ARHGEF18: variants seen among roughly 807,000 people sequenced by gnomAD.
The protein encoded by ARHGEF18 is Rho/Rac guanine nucleotide exchange factor 18, also known as rho guanine nucleotide exchange factor 18.
A neutral mutation model predicts 155.7 loss-of-function variants in ARHGEF18; 93 were observed. That is an observed-to-expected ratio of 0.60 (90% confidence interval 0.50 to 0.71). The LOEUF is 0.71. Among genes scored for constraint, ARHGEF18 ranks in the 30% least tolerant of loss-of-function variants. ARHGEF18 has a pLI of 0.00. For synonymous variants in ARHGEF18, 742 were observed against 753.1 expected (o/e 0.99, Z 0.24); for missense variants, 1,593 against 1,816.1 (o/e 0.88, Z 2.23).
At chr19:7,453,060 A>C (rs1048303856) in intron 16 of ARHGEF18, among the ~76,000 whole-genome samples, 1 of 151,912 alleles carries the variant, frequency 6.6e-6, no homozygotes, top group South Asian at 2.1e-4. Context: ...ATAGCTGGGC[A>C]TGGTGGCGGG....
chr19:7,399,994 C>T (rs748610488), intron 10 of ARHGEF18, among the ~76,000 whole-genome samples: 3 of 152,092 alleles, frequency 2.0e-5, no homozygotes, highest in Non-Finnish European at 4.4e-5. Context: ...TGGTCTCAAA[C>T]TCATGGGCTC....
At position 7,444,365 on chromosome 19, in the gene ARHGEF18, C is replaced by T. The variant is rs768486044; in HGVS notation, c.1522C>T (p.Arg508Trp). 1.1e-5 allele frequency: 17 copies of T among 1,613,486 alleles called. No homozygotes were observed. Among genetic ancestry groups the T allele is most frequent in the Middle Eastern group, 1.6e-4 (1 of 6,084 alleles). Residue 508 changes from arginine (R) to tryptophan (W), a missense_variant, in exon 14 of 29, where the codon CGG becomes TGG. Physicochemically the swap from Arg to Trp is moderately radical, Grantham distance 101. Transcript: ENST00000668164. The surrounding 1 kb of genome is among the most constrained non-coding windows in gnomAD (Gnocchi z 4.7). ...GGAGACGCACAGCCACTTCCTCGCT[C>T]GGCTCAAGGAGCGCCGCCAGGAGTC... is the stretch of plus-strand genomic sequence containing the variant. ...LLETHSHFLARLKERRQESLE... is the reference protein window; with the variant it reads ...LLETHSHFLAWLKERRQESLE...
At position 7,372,853 on chromosome 19, in the gene ARHGEF18, C is replaced by A. The variant is rs940734814; in HGVS notation, c.57C>A (p.Asp19Glu). 1.6e-6 allele frequency: 2 copies of A among 1,234,526 alleles called. No homozygotes were observed. The highest frequency in any genetic ancestry group is 2.0e-6 in the Non-Finnish European group (2 of 988,296). 76.5% of individuals were successfully genotyped at this position (1,234,526 alleles called of 1,614,324 possible). A position where few individuals can be genotyped will look rare whatever the true frequency, so the allele number is the denominator to read the frequency against. ...GGCGGCTCAGCGAGAGTATGGAGGA[C>A]CTCAGCCTGGATTTGGGGGCCCTTC... ...FPRRLSESME[D>E]LSLDLGALQG... Residue 19 changes from aspartate (D) to glutamate (E), a missense_variant, in exon 3 of 29, where the codon GAC becomes GAA. Asp to Glu is a conservative substitution (Grantham distance 45). Transcript: ENST00000668164.
intron 1 of ARHGEF18, among the ~76,000 whole-genome samples, chr19:7,354,375 T>C: frequency 6.7e-6 from 1 of 149,906 alleles, no homozygotes; most frequent in East Asian, 2.0e-4. Flanking sequence ...GGAGGCTGAT[T>C]TGGGGCTGGG....
At chr19:7,364,645 G>C (rs1157233389) in intron 2 of ARHGEF18, among the ~76,000 whole-genome samples, 1 of 152,198 alleles carries the variant, frequency 6.6e-6, no homozygotes, top group Non-Finnish European at 1.5e-5. Flanking sequence ...TTGGGGCACA[G>C]TTAACATCAA....
At chr19:7,430,796 C>A (rs1016671908) in intron 10 of ARHGEF18, among the ~76,000 whole-genome samples, 2 of 152,018 alleles carry the variant, frequency 1.3e-5, no homozygotes, top group Non-Finnish European at 2.9e-5. Flanking sequence ...CAGAGCGAGA[C>A]CCTCTCTTCA....
At chr19:7,399,183 C>G (rs551840881) in intron 10 of ARHGEF18, among the ~76,000 whole-genome samples, 10 of 152,182 alleles carry the variant, frequency 6.6e-5, no homozygotes, top group Non-Finnish European at 1.3e-4. Flanking sequence ...AACCCTCTCT[C>G]TAGGTGCAAA....
chr19:7,429,192 G>A (rs1210694649), intron 10 of ARHGEF18, among the ~76,000 whole-genome samples: 1 of 152,156 alleles, frequency 6.6e-6, no homozygotes, highest in East Asian at 1.9e-4. Flanking sequence ...AAGAGGTGAG[G>A]CCAGAGAGGG....
Position 7,444,182 on chromosome 19 carries a change from C to G in ARHGEF18, c.1361-22C>G, listed in dbSNP as rs1234750559. 2 of 1,607,110 alleles carry G rather than the reference C, an allele frequency of 1.2e-6. No homozygotes were observed. The highest frequency in any genetic ancestry group is 1.7e-5 in the Admixed American group (1 of 59,890). On this transcript the variant is annotated intron_variant, in intron 13 of 28. Coordinates refer to ENST00000668164, the MANE Select transcript of ARHGEF18 (RefSeq NM_001367823.1). The surrounding 1 kb of genome is among the most constrained non-coding windows in gnomAD (Gnocchi z 4.7). ...GGCCGTGGAGCCAGCATGGCTAAGT[C>G]CTGCCGTCTGTGTCCCTGCAGAGCT...
chr19:7,424,791 C>G (rs1019755089), intron 10 of ARHGEF18, among the ~76,000 whole-genome samples: 1 of 152,014 alleles, frequency 6.6e-6, no homozygotes, highest in African/African-American at 2.4e-5. Context: ...TTCAGGAGAT[C>G]GGGACCATCC....
rs1974646110 is a variant in ARHGEF18 at position 7,441,581 on chromosome 19, G to T, written c.1107-72G>T. On this transcript the variant is annotated intron_variant, in intron 11 of 28. Transcript: ENST00000668164. The stretch of plus-strand genomic sequence containing the variant: ...TCGAATCGGATGGAGTCACCGATGT[G>T]CCTTTGTTGCATGAGGTCGTGTGTG... 3 of 1,156,624 alleles carry T rather than the reference G, an allele frequency of 2.6e-6. No homozygotes were observed. The Admixed American group carries it at 5.2e-5, about 20-fold the overall frequency. 71.6% of individuals were successfully genotyped at this position (1,156,624 alleles called of 1,614,324 possible).
intron 10 of ARHGEF18, among the ~76,000 whole-genome samples, chr19:7,408,780 C>T (rs1427220364): frequency 1.3e-5 from 2 of 152,188 alleles, no homozygotes; most frequent in Non-Finnish European, 2.9e-5. Flanking sequence ...CAGTGGCTCA[C>T]GCCTGTAATC....
intron 10 of ARHGEF18, among the ~76,000 whole-genome samples, chr19:7,400,034 G>A (rs948221284): frequency 6.6e-6 from 1 of 152,084 alleles, no homozygotes; most frequent in Admixed American, 6.6e-5. Context: ...GTCTCCCAAA[G>A]TGTTGGTATT....
intron 1 of ARHGEF18, among the ~76,000 whole-genome samples, chr19:7,362,038 AAGG>A (rs200921218): frequency 0.013 from 623 of 47,498 alleles, 17 homozygotes; most frequent in East Asian, 0.031. Flanking sequence ...GGAGAAGGAG[AAGG>A]AGAAGGAGAA....
At chr19:7,439,887 T>G (rs988461349) in intron 10 of ARHGEF18, 24 of 1,452,088 alleles carry the variant, frequency 1.7e-5, no homozygotes, top group Middle Eastern at 2.4e-4. Context: ...AGGGGTTGTT[T>G]TTTTTTTCTG....
At chr19:7,436,874 T>C (rs1054086919) in intron 10 of ARHGEF18, among the ~76,000 whole-genome samples, 4 of 152,204 alleles carry the variant, frequency 2.6e-5, no homozygotes, top group Non-Finnish European at 5.9e-5. Context: ...ACATCTTCAA[T>C]TGCTTTGTCT....
At chr19:7,385,989 T>TCTCTCTCC (rs1568286195) in intron 10 of ARHGEF18, among the ~76,000 whole-genome samples, 3 of 115,524 alleles carry the variant, frequency 2.6e-5, no homozygotes, top group East Asian at 6.1e-4. Flanking sequence ...TCCCTCTCTC[T>TCTCTCTCC]CTCTCTCCCT....
rs1157629015 is a variant in ARHGEF18, at chr19:7,470,245, A to T, written c.4033A>T (p.Thr1345Ser). The T allele has an allele frequency of 3.7e-6, 6 of 1,604,146 alleles. No individual in the cohort carries two copies. Among genetic ancestry groups the T allele is most frequent in the Non-Finnish European group, 8.5e-7 (1 of 1,176,596 alleles). Residue 1345 changes from threonine (T) to serine (S), a missense_variant, in exon 29 of 29, where the codon ACA (threonine) becomes TCA (serine). Physicochemically the swap from Thr to Ser is moderately conservative, Grantham distance 58. Coordinates refer to ENST00000668164, the MANE Select transcript of ARHGEF18 (RefSeq NM_001367823.1). This position sits in a 1 kb window ranked among gnomAD's most constrained non-coding sequence, Gnocchi z 5.9. ...GPPAPSPLPA[T>S]PLSAKEDASK... Reference sequence around the variant, plus strand: ...CCCAGCTCCCTCGCCACTGCCGGCCACACCACTCAGCGCCAAGGAGGACGC... The same window carrying T: ...CCCAGCTCCCTCGCCACTGCCGGCCTCACCACTCAGCGCCAAGGAGGACGC...
chr19:7,355,741 C>CGGTG, intron 1 of ARHGEF18: 1 of 982,954 alleles, frequency 1.0e-6, no homozygotes, highest in Non-Finnish European at 1.2e-6. Flanking sequence ...GCCATCCACC[C>CGGTG]AGGTGGGGAT....
Sources: allele counts gnomAD v4.1 joint callset (sites outside exome capture counted in the v4.1 genomes callset), GRCh38; gene constraint gnomAD v4.1.1; non-coding constraint Gnocchi (gnomAD v3.1); transcripts MANE v1.5; gene names NCBI Gene and HGNC (gene_info 2026-07-23, HGNC 2026-07-21).